WDFY1: variants seen among roughly 807,000 people sequenced by gnomAD.
The protein encoded by WDFY1 is WD repeat and FYVE domain-containing protein 1.
Under a neutral mutation model 56.4 loss-of-function variants are expected in WDFY1, and 32 were observed. That is an observed-to-expected ratio of 0.57 (90% CI 0.43 to 0.76). The LOEUF is 0.76. Among genes scored for constraint, WDFY1 ranks in the 30% least tolerant of loss-of-function variants. WDFY1 has a pLI of 0.00. For synonymous variants in WDFY1, 192 were observed against 197.3 expected, an observed-to-expected ratio of 0.97 and a Z score of 0.23; for missense variants, 480 against 545.7, an observed-to-expected ratio of 0.88 and a Z score of 1.20.
At chr2:223,901,997 G>C (rs752652667) in intron 4 of WDFY1, among the ~76,000 whole-genome samples, 1 of 152,194 alleles carries the variant, frequency 6.6e-6, no homozygotes, top group African/African-American at 2.4e-5. Flanking sequence ...AAGCCACACC[G>C]GGGCAGTGTA....
At chr2:223,921,288 T>C (rs540606361) in intron 1 of WDFY1, among the ~76,000 whole-genome samples, 1 of 152,278 alleles carries the variant, frequency 6.6e-6, no homozygotes, top group South Asian at 2.1e-4. Context: ...GTGAACTGGA[T>C]AGAAACAAGC....
In WDFY1 at chr2:223,894,220, C is replaced by T. The variant is rs377009243; in HGVS notation, c.831+14G>A. The T allele has an allele frequency of 1.9e-6, 3 of 1,613,750 alleles. No individual in the cohort carries two copies. The African/African-American group carries it at 4.0e-5, about 22-fold the overall frequency. ...GTCTCCCCCGATCAGCCTGGACTTGCCCTTGTCTCTTACCTCTTCTCTGCT... is the reference window on the plus strand; with the variant it reads ...GTCTCCCCCGATCAGCCTGGACTTGTCCTTGTCTCTTACCTCTTCTCTGCT... On this transcript the variant is annotated intron_variant, in intron 8 of 11. Coordinates refer to ENST00000233055, the MANE Select transcript of WDFY1 (RefSeq NM_020830.5).
At position 223,945,326 on chromosome 2, in the gene WDFY1, A is replaced by T; in HGVS notation, c.-42T>A. On this transcript the variant is annotated 5_prime_UTR_variant, in exon 1 of 12. An upstream start codon of the reference 5' UTR is lost. Coordinates refer to ENST00000233055, the MANE Select transcript of WDFY1 (RefSeq NM_020830.5). ...CTGCGGCCTCCTCGGCAGGCAGCCCATCAGCTGACGCCTGGGCGGGCGGGG... is the reference window on the plus strand; with the variant it reads ...CTGCGGCCTCCTCGGCAGGCAGCCCTTCAGCTGACGCCTGGGCGGGCGGGG... 3 of 1,532,858 alleles carry T rather than the reference A, an allele frequency of 2.0e-6. No homozygotes were observed. The highest frequency in any genetic ancestry group is 1.2e-5 in the South Asian group (1 of 84,122). 95.0% of individuals were successfully genotyped at this position (1,532,858 alleles called of 1,614,324 possible).
intron 1 of WDFY1, among the ~76,000 whole-genome samples, chr2:223,937,449 C>T (rs1280540758): frequency 6.6e-6 from 1 of 152,162 alleles, no homozygotes; most frequent in African/African-American, 2.4e-5. Flanking sequence ...AAAACAATAA[C>T]AACTAACACT....
chr2:223,931,613 C>T (rs1694074245), intron 1 of WDFY1, among the ~76,000 whole-genome samples: 1 of 151,984 alleles, frequency 6.6e-6, no homozygotes, highest in Admixed American at 6.6e-5. Context: ...ATTCAAGGTA[C>T]AATTTTTTCC....
chr2:223,882,541 A>G (rs1441036136), intron 9 of WDFY1, among the ~76,000 whole-genome samples: 1 of 152,190 alleles, frequency 6.6e-6, no homozygotes, highest in African/African-American at 2.4e-5. Flanking sequence ...CAATTCTGAC[A>G]CTAGTCAAGG....
intron 1 of WDFY1, among the ~76,000 whole-genome samples, chr2:223,932,374 G>A (rs1437971200): frequency 6.6e-6 from 1 of 151,836 alleles, no homozygotes; most frequent in East Asian, 1.9e-4. Flanking sequence ...CGCCCACCTC[G>A]GCCTCCCAAA....
intron 2 of WDFY1, among the ~76,000 whole-genome samples, chr2:223,913,295 T>C (rs1173884951): frequency 6.6e-6 from 1 of 151,730 alleles, no homozygotes; most frequent in African/African-American, 2.4e-5. Context: ...CTCTCTCTAG[T>C]AGGGTGATAT....
chr2:223,894,478 A>T (rs1366866761), intron 7 of WDFY1, 139 bp from the exon 8 acceptor site: 1 of 755,054 alleles, frequency 1.3e-6, no homozygotes, highest in Non-Finnish European at 2.2e-6. Context: ...GGTAAAATGA[A>T]TTCTAGTATA....
intron 1 of WDFY1, 115 bp from the exon 2 acceptor site, chr2:223,918,125 AAACT>A (rs1159620121): frequency 1.9e-6 from 2 of 1,033,152 alleles, no homozygotes; most frequent in South Asian, 3.1e-5. Flanking sequence ...TGACCTTATA[AAACT>A]AACTGGACAA....
Position 223,877,619 on chromosome 2 carries a change from G to C in WDFY1, c.*1052C>G, listed in dbSNP as rs1692992474. 6.6e-6 allele frequency: 1 copy of C among 152,226 alleles called. No individual in the cohort carries two copies. Among genetic ancestry groups the C allele is most frequent in the Non-Finnish European group, 1.5e-5 (1 of 68,050 alleles). The allele number at this position is 152,226 out of a possible 1,614,324, so 9.4% of individuals were successfully genotyped here. A position where few individuals can be genotyped will look rare whatever the true frequency, so the allele number is the denominator to read the frequency against. Reference sequence around the variant, plus strand: ...GGGAATTATTGTGGAAGACTTGATGGATGATTATAGCTCTGGGTCACTAAC... The same window carrying C: ...GGGAATTATTGTGGAAGACTTGATGCATGATTATAGCTCTGGGTCACTAAC... On this transcript the variant is annotated 3_prime_UTR_variant, in exon 12 of 12. Coordinates refer to ENST00000233055, the MANE Select transcript of WDFY1 (RefSeq NM_020830.5).
chr2:223,924,467 G>A (rs1042843189), intron 1 of WDFY1, among the ~76,000 whole-genome samples: 6 of 152,162 alleles, frequency 3.9e-5, no homozygotes, highest in Non-Finnish European at 7.4e-5. Context: ...GGGTTCAAGC[G>A]ATTCTCATGC....
chr2:223,942,259 G>T (rs930418117), intron 1 of WDFY1, among the ~76,000 whole-genome samples: 1 of 150,168 alleles, frequency 6.7e-6, no homozygotes, highest in African/African-American at 2.5e-5. Flanking sequence ...TGGCTCTATC[G>T]CCCAGGCTGG....
At position 223,945,217 on chromosome 2, in the gene WDFY1, T is replaced by A. The variant is rs757238478; in HGVS notation, c.68A>T (p.His23Leu). 1.3e-6 allele frequency: 2 copies of A among 1,599,026 alleles called. No homozygotes were observed. Among genetic ancestry groups the A allele is most frequent in the Non-Finnish European group, 1.7e-6 (2 of 1,175,702 alleles). Residue 23 changes from histidine to leucine, a missense_variant, in exon 1 of 12, where the codon CAC (histidine) becomes CTC (leucine). His to Leu is a moderately conservative substitution (Grantham distance 99). Coordinates refer to ENST00000233055, the MANE Select transcript of WDFY1 (RefSeq NM_020830.5). ...RPVLLSKIEG[H>L]QDAVTAALLI... ...CAGCGCGGCCGTGACGGCGTCCTGGTGCCCCTCGATCTTGCTCAGCAGCAC... is the reference window on the plus strand; with the variant it reads ...CAGCGCGGCCGTGACGGCGTCCTGGAGCCCCTCGATCTTGCTCAGCAGCAC...
intron 1 of WDFY1, among the ~76,000 whole-genome samples, chr2:223,941,341 T>C (rs1489737625): frequency 1.3e-5 from 2 of 152,166 alleles, no homozygotes; most frequent in African/African-American, 2.4e-5. Flanking sequence ...TCTGTTGCTA[T>C]TGTCACTGCC....
chr2:223,940,509 TAGAGA>T (rs1275664241), intron 1 of WDFY1, among the ~76,000 whole-genome samples: 2 of 152,196 alleles, frequency 1.3e-5, no homozygotes, highest in Middle Eastern at 3.2e-3. Flanking sequence ...TCTGTACTCG[TAGAGA>T]AAAGGGACTT....
At chr2:223,880,870 A>C (rs1460686193) in intron 10 of WDFY1, among the ~76,000 whole-genome samples, 3 of 152,150 alleles carry the variant, frequency 2.0e-5, no homozygotes, top group Non-Finnish European at 2.9e-5. Context: ...GCATGGGCAA[A>C]ACATCAGAGA....
chr2:223,878,832 T>A lies in WDFY1; in HGVS notation c.1174-102A>T. ...AACGACTGTTAAACCTGAAAAGGTG[T>A]CAAATTAATGAATTTTCTCATTCTC... On this transcript the variant is annotated intron_variant, in intron 11 of 11. Transcript: ENST00000233055. 4 of 1,382,682 alleles carry A rather than the reference T, an allele frequency of 2.9e-6. No homozygotes were observed. In the East Asian group the frequency reaches 7.1e-5, roughly 25 times the overall value. 85.7% of individuals were successfully genotyped at this position (1,382,682 alleles called of 1,614,324 possible).
At chr2:223,898,110 A>C (rs1693430636) in intron 6 of WDFY1, among the ~76,000 whole-genome samples, 1 of 152,158 alleles carries the variant, frequency 6.6e-6, no homozygotes, top group Admixed American at 6.5e-5. Context: ...CGAGTCACTC[A>C]ATACAATCAA....
Sources: gnomAD v4.1 joint callset for allele counts (sites outside exome capture counted in the v4.1 genomes callset) on GRCh38, gnomAD v4.1.1 for gene constraint, MANE v1.5 for transcripts, NCBI Gene and HGNC (gene_info 2026-07-23, HGNC 2026-07-21) for gene names.